The following CBFA2T2 variants were observed in gnomAD, a reference collection of about 807,000 sequenced individuals.
CBFA2T2 encodes the protein protein CBFA2T2.
A neutral mutation model predicts 62.2 loss-of-function variants in CBFA2T2; 11 were observed. The observed-to-expected ratio is 0.18, with a 90% CI of 0.11 to 0.29. The LOEUF (loss-of-function observed/expected upper bound fraction) is 0.29, where lower values mean the gene tolerates loss of function less well. CBFA2T2 is among the 10% of genes least tolerant of loss of function. The pLI is 1.00. For synonymous variants in CBFA2T2, 295 were observed against 287.5 expected (o/e 1.03, Z -0.27); for missense variants, 592 against 774.1 (o/e 0.76, Z 2.79).
intron 8 of CBFA2T2, among the ~76,000 whole-genome samples, chr20:33,631,003 A>G (rs2016427879): frequency 6.6e-6 from 1 of 152,222 alleles, no homozygotes; most frequent in South Asian, 2.1e-4. Context: ...GTTATATAGT[A>G]TGATTCCTTT....
intron 10 of CBFA2T2, among the ~76,000 whole-genome samples, chr20:33,643,470 G>A (rs951911424): frequency 6.6e-6 from 1 of 151,732 alleles, no homozygotes; most frequent in Non-Finnish European, 1.5e-5. Context: ...CAGCTACTCA[G>A]GAGGCTAAGG....
chr20:33,513,364 G>T (rs112855822), intron 1 of CBFA2T2, among the ~76,000 whole-genome samples: 23 of 149,230 alleles, frequency 1.5e-4, no homozygotes, highest in South Asian at 6.4e-4. Context: ...TTTTTTTTTT[G>T]GTTTTTTTTT....
intron 1 of CBFA2T2, among the ~76,000 whole-genome samples, chr20:33,560,361 C>A (rs571771614): frequency 6.6e-6 from 1 of 152,328 alleles, no homozygotes; most frequent in South Asian, 2.1e-4. Flanking sequence ...TGAATTCAGA[C>A]AACCTGATGC....
Position 33,645,057 on chromosome 20 carries a change from G to GGAGC in CBFA2T2, c.*413_*416dup, listed in dbSNP as rs1224120089. 5 of 190,578 alleles carry GGAGC rather than the reference G, an allele frequency of 2.6e-5. No individual in the cohort carries two copies. The highest frequency in any genetic ancestry group is 4.3e-5 in the Non-Finnish European group (4 of 92,382). 11.8% of individuals were successfully genotyped at this position (190,578 alleles called of 1,614,324 possible). On this transcript the variant is annotated 3_prime_UTR_variant, in exon 11 of 11. Coordinates refer to ENST00000342704, the MANE Select transcript of CBFA2T2 (RefSeq NM_001032999.3). ...GCTGTGGAGGAGGCCCCTCGGTCAG[G>GGAGC]GAGCGGCCTGCCTCACCCCTGAATA...
chr20:33,492,702 G>A (rs2011157055), intron 1 of CBFA2T2, among the ~76,000 whole-genome samples: 1 of 151,720 alleles, frequency 6.6e-6, no homozygotes, highest in African/African-American at 2.4e-5. Flanking sequence ...GTAGAGATGG[G>A]GTCTTGCTTT....
intron 3 of CBFA2T2, among the ~76,000 whole-genome samples, chr20:33,613,505 A>G (rs994652063): frequency 1.3e-5 from 2 of 152,220 alleles, no homozygotes; most frequent in Admixed American, 1.3e-4. Context: ...TTCCTTAGCA[A>G]CAAAAATAAC....
chr20:33,534,201 G>A (rs931424800), intron 1 of CBFA2T2, among the ~76,000 whole-genome samples: 4 of 152,112 alleles, frequency 2.6e-5, no homozygotes, highest in African/African-American at 9.7e-5. Context: ...TTAAGAAATT[G>A]CCAAACTTTT....
chr20:33,493,695 G>A (rs1257364918), intron 1 of CBFA2T2, among the ~76,000 whole-genome samples: 1 of 151,860 alleles, frequency 6.6e-6, no homozygotes, highest in Non-Finnish European at 1.5e-5. Flanking sequence ...TAGACATGGG[G>A]TTTCACTGTG....
chr20:33,513,031 C>T (rs1171146062), intron 1 of CBFA2T2, among the ~76,000 whole-genome samples: 2 of 151,988 alleles, frequency 1.3e-5, no homozygotes, highest in Non-Finnish European at 2.9e-5. Context: ...GGATTACAGG[C>T]GTGAGCCACC....
chr20:33,539,968 G>T lies in CBFA2T2; in HGVS notation c.34+49667G>T, dbSNP rs115203347. Among the ~76,000 whole-genome samples the T allele has an allele frequency of 6.5e-3, 989 of 152,176 alleles. 5 individuals carry two copies. The highest frequency in any genetic ancestry group is 0.023 in the African/African-American group (936 of 41,514). On this transcript the variant is annotated intron_variant, in intron 1 of 10. Coordinates refer to ENST00000342704, the MANE Select transcript of CBFA2T2 (RefSeq NM_001032999.3). ...TTATTGGTGTGAGCCACCATGTCTG[G>T]CCTGTTTGTTTTTTGGTCAGATTTA...
intron 1 of CBFA2T2, among the ~76,000 whole-genome samples, chr20:33,535,611 TTTTTATTTTTTC>T (rs2012186861): frequency 1.4e-5 from 2 of 146,494 alleles, no homozygotes; most frequent in African/African-American, 5.2e-5. Flanking sequence ...TATTTTTATT[TTTTTATTTTTTC>T]TTTTTTTTTT....
In CBFA2T2 at chr20:33,513,850, G is replaced by GT. The variant is rs2011552057; in HGVS notation, c.34+23552dup. 3.4e-5 allele frequency among the ~76,000 whole-genome samples: 5 copies of GT among 147,538 alleles called. No individual in the cohort carries two copies. The South Asian group carries it at 1.1e-3, about 31-fold the overall frequency. On this transcript the variant is annotated intron_variant, in intron 1 of 10. Coordinates refer to ENST00000342704, the MANE Select transcript of CBFA2T2 (RefSeq NM_001032999.3). ...AAAAAAAAAAAAGAATGTTGTACCTGTTTAATATATTTAGGTGTTGATAAG... is the reference window on the plus strand; with the variant it reads ...AAAAAAAAAAAAGAATGTTGTACCTGTTTTAATATATTTAGGTGTTGATAAG...
intron 5 of CBFA2T2, 143 bp downstream of exon 5, chr20:33,623,439 C>G (rs2016074673): frequency 1.1e-6 from 1 of 932,614 alleles, no homozygotes; most frequent in African/African-American, 1.6e-5. Context: ...GTCGCCCAGA[C>G]TGGAGCGCAG....
At chr20:33,522,368 A>T (rs1444917644) in intron 1 of CBFA2T2, among the ~76,000 whole-genome samples, 1 of 152,188 alleles carries the variant, frequency 6.6e-6, no homozygotes, top group Non-Finnish European at 1.5e-5. Flanking sequence ...TAGATAAGTA[A>T]GCCAATTTAA....
intron 1 of CBFA2T2, among the ~76,000 whole-genome samples, chr20:33,589,858 G>A (rs2014537580): frequency 6.6e-6 from 1 of 152,108 alleles, no homozygotes; most frequent in South Asian, 2.1e-4. Flanking sequence ...AGAAACAGGT[G>A]ACATTCCTTT....
In CBFA2T2 at chr20:33,646,875, AAAG is replaced by A. The variant is rs1233550369; in HGVS notation, c.*2230_*2232del. On this transcript the variant is annotated 3_prime_UTR_variant, in exon 11 of 11. Coordinates refer to ENST00000342704, the MANE Select transcript of CBFA2T2 (RefSeq NM_001032999.3). ...AACTCTGTCTCAAAAAAAAAAAAAA[AAAG>A]GCAAAATTAAAGAATTTCAAGTCCC... The A allele has an allele frequency of 6.6e-6, 1 of 152,030 alleles. No homozygotes were observed. Among genetic ancestry groups the A allele is most frequent in the African/African-American group, 2.4e-5 (1 of 41,378 alleles). The allele number at this position is 152,030 out of a possible 1,614,324, so 9.4% of individuals were successfully genotyped here.
intron 1 of CBFA2T2, among the ~76,000 whole-genome samples, chr20:33,536,391 T>C: frequency 7.1e-6 from 1 of 141,596 alleles, no homozygotes; most frequent in Admixed American, 6.9e-5. Flanking sequence ...GAGGCGCCCC[T>C]CACCTCCCGG....
chr20:33,559,694 G>C (rs185778892), intron 1 of CBFA2T2, among the ~76,000 whole-genome samples: 29 of 152,150 alleles, frequency 1.9e-4, no homozygotes, highest in Admixed American at 1.2e-3. Flanking sequence ...CACCGTGTTG[G>C]CTAGGATGGT....
In CBFA2T2 at chr20:33,607,065, A is replaced by T; in HGVS notation, c.144A>T (p.Gly48=). 6.2e-7 allele frequency: 1 copy of T among 1,614,082 alleles called. No homozygotes were observed. Among genetic ancestry groups the T allele is most frequent in the Non-Finnish European group, 8.5e-7 (1 of 1,179,978 alleles). ...CACCCCTCCCACCAATAAATCCTGG[A>T]GGACCGAGGCCAGTGTCCTTCACTC... The part of the protein sequence containing the change: ...TMPPLPPINP[G]GPRPVSFTPT... Residue 48 remains glycine (G), a synonymous_variant, in exon 2 of 11, where the codon GGA becomes GGT. Transcript: ENST00000342704.
Sources: allele counts gnomAD v4.1 joint callset (sites outside exome capture counted in the v4.1 genomes callset), GRCh38; gene constraint gnomAD v4.1.1; transcripts MANE v1.5; gene names NCBI Gene and HGNC (gene_info 2026-07-23, HGNC 2026-07-21).